The following QDPR variants were observed in gnomAD, a reference collection of about 807,000 sequenced individuals.
QDPR encodes the protein dihydropteridine reductase.
QDPR carries 23 observed loss-of-function variants against 31.7 expected under a neutral mutation model. The ratio of observed to expected loss-of-function variants is 0.73; its 90% CI spans 0.52 to 1.03. The LOEUF (loss-of-function observed/expected upper bound fraction) is 1.03, where lower values mean the gene tolerates loss of function less well. Among genes scored for constraint, QDPR ranks in the 50% least tolerant of loss-of-function variants. The pLI is 0.00. For synonymous variants in QDPR, 124 were observed against 124.7 expected (o/e 0.99, Z 0.03); for missense variants, 324 against 323.8 (o/e 1.00, Z 0.00).
At chr4:17,511,871 G>T in intron 1 of QDPR, 79 bp downstream of exon 1, 1 of 1,431,098 alleles carries the variant, frequency 7.0e-7, no homozygotes, top group Non-Finnish European at 9.4e-7. Context: ...CCTTCCTCTA[G>T]ACTGCCCCCC....
At chr4:17,493,073 A>C (rs1718224363) in intron 4 of QDPR, among the ~76,000 whole-genome samples, 1 of 152,232 alleles carries the variant, frequency 6.6e-6, no homozygotes, top group Non-Finnish European at 1.5e-5. Context: ...CTGCATCTGT[A>C]AAATGGGTTT....
intron 4 of QDPR, among the ~76,000 whole-genome samples, chr4:17,492,795 G>A (rs1335748211): frequency 6.6e-6 from 1 of 152,196 alleles, no homozygotes; most frequent in African/African-American, 2.4e-5. Context: ...ACTCAAGACA[G>A]GTTGAGTACA....
intron 2 of QDPR, among the ~76,000 whole-genome samples, chr4:17,504,973 A>G (rs1718706288): frequency 6.6e-6 from 1 of 152,212 alleles, no homozygotes; most frequent in Admixed American, 6.5e-5. Flanking sequence ...ATTGTAAGAA[A>G]AATCATGAGC....
At chr4:17,506,791 T>A (rs973761426) in intron 2 of QDPR, among the ~76,000 whole-genome samples, 1 of 152,204 alleles carries the variant, frequency 6.6e-6, no homozygotes, top group African/African-American at 2.4e-5. Flanking sequence ...GAGACCACAG[T>A]GAGAAAAATA....
rs187958701 is a variant in QDPR, at chr4:17,509,317, C to T, written c.152G>A (p.Ser51Asn). 78 of 1,614,084 alleles carry T rather than the reference C, an allele frequency of 4.8e-5. No individual in the cohort carries two copies. In the South Asian group the frequency reaches 5.9e-4, roughly 12 times the overall value. ...DVVENEEASA[S>N]IIVKMTDSFT... ...CGAGTCTGTCATTTTAACAATGATG[C>T]TAGCGCTGGCCTCTTCATTCTCCAC... The change falls in exon 2 of 7, where the codon AGC becomes AAC. Residue 51 changes from serine (S) to asparagine (N), a missense_variant. Physicochemically the swap from Ser to Asn is conservative, Grantham distance 46. Coordinates refer to ENST00000281243, the MANE Select transcript of QDPR (RefSeq NM_000320.3).
At chr4:17,490,166 T>G (rs1560307201) in intron 6 of QDPR, 1 of 186,250 alleles carries the variant, frequency 5.4e-6, no homozygotes, top group Non-Finnish European at 1.1e-5. Context: ...TCTGTGGGTC[T>G]GTGGCTTGAC....
chr4:17,508,693 T>C (rs1718880764), intron 2 of QDPR, among the ~76,000 whole-genome samples: 1 of 131,680 alleles, frequency 7.6e-6, no homozygotes, highest in African/African-American at 2.8e-5. Flanking sequence ...CCTAAACTTG[T>C]AAAAGGAGTA....
rs976384511 is a variant in QDPR, at chr4:17,510,786, T to A, written c.105+1164A>T. Reference sequence around the variant, plus strand: ...ACTCTGGTACTGGGAACACAGTGCCTGGCCCTTGGCAGAAGTGCTGCCTCT... The same window carrying A: ...ACTCTGGTACTGGGAACACAGTGCCAGGCCCTTGGCAGAAGTGCTGCCTCT... On this transcript the variant is annotated intron_variant, in intron 1 of 6. Coordinates refer to ENST00000281243, the MANE Select transcript of QDPR (RefSeq NM_000320.3). Among the ~76,000 whole-genome samples, 13 of 152,320 alleles carry A rather than the reference T, an allele frequency of 8.5e-5. 1 individual carries two copies. In the Middle Eastern group the frequency reaches 0.01, roughly 120 times the overall value.
Position 17,512,032 on chromosome 4 carries a change from C to A in QDPR, c.23G>T (p.Gly8Val), listed in dbSNP as rs1311794369. The A allele has an allele frequency of 6.2e-7, 1 of 1,603,950 alleles. No homozygotes were observed. The highest frequency in any genetic ancestry group is 2.3e-5 in the East Asian group (1 of 44,396). The change falls in exon 1 of 7, where the codon GGC becomes GTC. Residue 8 changes from glycine (G) to valine (V), a missense_variant. Transcript: ENST00000281243. MAAAAAAGEARRVLVYGG... is the reference protein window; with the variant it reads MAAAAAAVEARRVLVYGG... ...GTACACCAGCACCCGGCGCGCCTCG[C>A]CTGCAGCCGCCGCCGCCGCCATCCT...
At chr4:17,494,050 G>A (rs1402102480) in intron 4 of QDPR, among the ~76,000 whole-genome samples, 4 of 152,140 alleles carry the variant, frequency 2.6e-5, no homozygotes, top group African/African-American at 2.4e-5. Flanking sequence ...CCGACTACCT[G>A]GCTTCGTGTC....
intron 6 of QDPR, among the ~76,000 whole-genome samples, chr4:17,488,106 A>G (rs1037986993): frequency 3.3e-5 from 5 of 152,046 alleles, no homozygotes; most frequent in African/African-American, 1.2e-4. Flanking sequence ...CTCTAAAAAA[A>G]TACAAAAAAT....
At chr4:17,508,286 A>C (rs1718859571) in intron 2 of QDPR, among the ~76,000 whole-genome samples, 1 of 152,172 alleles carries the variant, frequency 6.6e-6, no homozygotes, top group Non-Finnish European at 1.5e-5. Context: ...AAAATACAAA[A>C]AAGTTAGCTG....
intron 2 of QDPR, 21 bp downstream of exon 2, chr4:17,509,250 T>TG: frequency 6.3e-7 from 1 of 1,594,466 alleles, no homozygotes; most frequent in East Asian, 2.2e-5. Context: ...TCACAATGTT[T>TG]GGGGGCCTTT....
Position 17,501,718 on chromosome 4 carries a change from C to T in QDPR, c.436+1G>A. 6.2e-7 allele frequency: 1 copy of T among 1,613,888 alleles called. No homozygotes were observed. ...CCACAGATAGGGAAATAAAGGCTTA[C>T]CAGGAGTCCCATCCAGGGCAGCCTT... On this transcript the variant is annotated splice_donor_variant, in intron 4 of 6. Transcript: ENST00000281243. LOFTEE classifies it high-confidence loss of function.
intron 2 of QDPR, 75 bp from the exon 3 acceptor site, chr4:17,504,550 G>GTTTC: frequency 8.3e-7 from 1 of 1,209,270 alleles, no homozygotes; most frequent in South Asian, 1.2e-5. Context: ...CGGATACTCA[G>GTTTC]TTTCTTTTTC....
intron 4 of QDPR, among the ~76,000 whole-genome samples, chr4:17,497,803 T>A (rs559682808): frequency 1.3e-5 from 2 of 152,192 alleles, no homozygotes; most frequent in African/African-American, 2.4e-5. Flanking sequence ...CCAAGTCTGT[T>A]GAGGTATAAC....
chr4:17,497,868 C>T (rs751294778), intron 4 of QDPR, among the ~76,000 whole-genome samples: 13 of 152,192 alleles, frequency 8.5e-5, no homozygotes, highest in Non-Finnish European at 1.9e-4. Flanking sequence ...CAAATTTTGA[C>T]ATTGTGTATA....
chr4:17,501,991 C>T (rs891351885), intron 3 of QDPR, 132 bp from the exon 4 acceptor site: 4 of 1,036,948 alleles, frequency 3.9e-6, no homozygotes, highest in Non-Finnish European at 4.4e-6. Flanking sequence ...CAAGGTCTAA[C>T]ACAAACAGCA....
intron 6 of QDPR, among the ~76,000 whole-genome samples, chr4:17,487,711 C>G (rs1718017867): frequency 6.6e-6 from 1 of 151,988 alleles, no homozygotes; most frequent in Non-Finnish European, 1.5e-5. Flanking sequence ...CCCTATGATC[C>G]CAGCACTTTG....
Sources: gnomAD v4.1 joint callset for allele counts (sites outside exome capture counted in the v4.1 genomes callset) on GRCh38, gnomAD v4.1.1 for gene constraint, MANE v1.5 for transcripts, NCBI Gene and HGNC (gene_info 2026-07-23, HGNC 2026-07-21) for gene names.